The following CD81 variants were observed in gnomAD, a reference collection of about 807,000 sequenced individuals.
CD81 encodes CD81 molecule, also known as CD81 antigen.
CD81 carries 10 observed loss-of-function variants against 30.1 expected under a neutral mutation model. The ratio of observed to expected loss-of-function variants is 0.33; its 90% confidence interval spans 0.21 to 0.56. The LOEUF (loss-of-function observed/expected upper bound fraction) is 0.56. CD81 is among the 20% of genes least tolerant of loss of function. The pLI is 0.89. For synonymous variants in CD81, 147 were observed against 126.4 expected, an observed-to-expected ratio of 1.16 and a Z score of -1.10; for missense variants, 263 against 308.7, an observed-to-expected ratio of 0.85 and a Z score of 1.11.
rs143767492 is a variant in CD81 at position 2,394,461 on chromosome 11, G to A, written c.279+269G>A. Among the ~76,000 whole-genome samples the A allele has an allele frequency of 3.2e-4, 48 of 152,304 alleles. 1 individual carries two copies. In the East Asian group the frequency reaches 8.7e-3, roughly 28 times the overall value. On this transcript the variant is annotated intron_variant, in intron 3 of 7. Coordinates refer to ENST00000263645, the MANE Select transcript of CD81 (RefSeq NM_004356.4). ...AAGCCTCAGCTCTGAGGCCAGCCTC[G>A]GCGTCCCGGGCACACCGCCCCCTGT...
chr11:2,388,801 C>T (rs1324418216), intron 1 of CD81, among the ~76,000 whole-genome samples: 3 of 152,166 alleles, frequency 2.0e-5, no homozygotes, highest in Non-Finnish European at 4.4e-5. Context: ...TCCAGGAAGC[C>T]CCCAGGGCCT....
intron 1 of CD81, among the ~76,000 whole-genome samples, chr11:2,380,795 G>T (rs1009181562): frequency 6.6e-6 from 1 of 152,292 alleles, no homozygotes; most frequent in East Asian, 1.9e-4. Flanking sequence ...TCTTCTCCTC[G>T]GGGGCTGGCC....
intron 5 of CD81, 120 bp downstream of exon 5, chr11:2,395,640 TC>T: frequency 1.2e-6 from 1 of 848,968 alleles, no homozygotes; most frequent in Non-Finnish European, 1.9e-6. Flanking sequence ...CCTTGGGACC[TC>T]CAGGACCCCT....
At chr11:2,389,098 G>C (rs1849849293) in intron 1 of CD81, among the ~76,000 whole-genome samples, 1 of 152,094 alleles carries the variant, frequency 6.6e-6, no homozygotes, top group East Asian at 1.9e-4. Flanking sequence ...GACCAATTGT[G>C]TCCTAGGGAC....
chr11:2,396,517 C>G, intron 6 of CD81, 111 bp from the exon 7 acceptor site: 1 of 978,224 alleles, frequency 1.0e-6, no homozygotes, highest in South Asian at 1.3e-5. Flanking sequence ...GGGGGCTGTT[C>G]CCAGGATTCC....
intron 5 of CD81, 73 bp from the exon 6 acceptor site, chr11:2,395,795 TC>T: frequency 9.8e-7 from 1 of 1,022,820 alleles, no homozygotes; most frequent in Non-Finnish European, 1.5e-6. Flanking sequence ...CCTGGCCACC[TC>T]CCCATGGGTT....
chr11:2,385,798 C>A (rs986540471), intron 1 of CD81: 1 of 616,958 alleles, frequency 1.6e-6, no homozygotes, highest in South Asian at 1.5e-5. Flanking sequence ...CAGGTTCACC[C>A]GTTCACCGGT....
chr11:2,388,361 C>T (rs74050512), intron 1 of CD81, among the ~76,000 whole-genome samples: 4,561 of 152,282 alleles, frequency 0.03, 243 homozygotes, highest in African/African-American at 0.1. Context: ...CCGGCCTGAC[C>T]GGGGGGTCCT....
upstream of CD81, chr11:2,376,439 C>G (rs1361939229): frequency 6.6e-6 from 1 of 152,274 alleles, no homozygotes; most frequent in Non-Finnish European, 1.5e-5. Context: ...AGTGTGTCAT[C>G]TCCTGCAAAG....
At chr11:2,384,864 G>C (rs1472600229) in intron 1 of CD81, among the ~76,000 whole-genome samples, 1 of 152,164 alleles carries the variant, frequency 6.6e-6, no homozygotes, top group Admixed American at 6.5e-5. Context: ...ACAAGGCAGA[G>C]AGAAGCTGAG....
intron 1 of CD81, among the ~76,000 whole-genome samples, chr11:2,384,346 G>C (rs1213460664): frequency 5.6e-5 from 8 of 143,016 alleles, no homozygotes; most frequent in Admixed American, 1.4e-4. Context: ...GGGGCGTCTC[G>C]GGAGGTGGGG....
chr11:2,390,407 C>G lies in CD81; in HGVS notation c.67-5C>G. On this transcript the variant is annotated splice_polypyrimidine_tract_variant and splice_region_variant and intron_variant, in intron 1 of 7. Transcript: ENST00000263645. ...ACATGTGACACTGTTCCCGCTCTTT[C>G]CCAGCTGGCTGGAGGCGTGATCCTG... 1 of 1,610,218 alleles carries G rather than the reference C, an allele frequency of 6.2e-7. No homozygotes were observed. The highest frequency in any genetic ancestry group is 1.3e-5 in the African/African-American group (1 of 75,012).
intron 1 of CD81, among the ~76,000 whole-genome samples, chr11:2,383,748 G>A (rs1011997828): frequency 3.3e-4 from 50 of 152,378 alleles, no homozygotes; most frequent in South Asian, 1.4e-3. Flanking sequence ...CAGCCTGTAC[G>A]TAAAGGCGGG....
At chr11:2,384,061 C>G (rs931306865) in intron 1 of CD81, among the ~76,000 whole-genome samples, 1 of 152,212 alleles carries the variant, frequency 6.6e-6, no homozygotes, top group African/African-American at 2.4e-5. Context: ...AAACAGCGGA[C>G]AGGCTGGGCA....
At chr11:2,389,041 T>G (rs980998318) in intron 1 of CD81, among the ~76,000 whole-genome samples, 1 of 152,152 alleles carries the variant, frequency 6.6e-6, no homozygotes, top group Non-Finnish European at 1.5e-5. Flanking sequence ...CCACCCAGAC[T>G]GTCCAGCAAC....
At chr11:2,395,604 GC>G in intron 5 of CD81, 84 bp downstream of exon 5, 2 of 1,097,554 alleles carry the variant, frequency 1.8e-6, no homozygotes, top group Non-Finnish European at 2.8e-6. Context: ...TCCTGCCTAC[GC>G]CCAGACCTCA....
chr11:2,379,068 AGGGGCTCGCCTTCCCCAGGCCCGGCCCTG>A, intron 1 of CD81: 1 of 437,962 alleles, frequency 2.3e-6, no homozygotes, highest in Middle Eastern at 3.4e-4. Context: ...GCCATTTGGG[AGGGGCTCGCCTTCCCCAGGCCCGGCCCTG>A]GGACCTCAGC....
At chr11:2,382,195 C>T (rs1849715773) in intron 1 of CD81, among the ~76,000 whole-genome samples, 1 of 152,254 alleles carries the variant, frequency 6.6e-6, no homozygotes, top group African/African-American at 2.4e-5. Context: ...GTGGGATGGC[C>T]AGGATAAGGC....
chr11:2,384,892 T>C (rs1589847777), intron 1 of CD81, among the ~76,000 whole-genome samples: 1 of 152,162 alleles, frequency 6.6e-6, no homozygotes, highest in Non-Finnish European at 1.5e-5. Flanking sequence ...TGAGGTCGCC[T>C]TGGTGAAAGG....
Sources: allele counts gnomAD v4.1 joint callset (sites outside exome capture counted in the v4.1 genomes callset), GRCh38; gene constraint gnomAD v4.1.1; transcripts MANE v1.5; gene names NCBI Gene and HGNC (gene_info 2026-07-23, HGNC 2026-07-21).